Variants in DOCK11 observed in about 807,000 individuals in gnomAD.
The protein encoded by DOCK11 is dedicator of cytokinesis protein 11.
DOCK11 carries 70 observed loss-of-function variants against 169.1 expected under a neutral mutation model. That is an observed-to-expected ratio of 0.41 (90% CI 0.34 to 0.51). DOCK11 has a LOEUF of 0.51. Among genes scored for constraint, DOCK11 ranks in the 20% least tolerant of loss-of-function variants. The pLI is 0.10. For missense variants in DOCK11, 1,166 were observed against 1,538.8 expected (o/e 0.76, Z 4.05); for synonymous variants, 529 against 541.3 (o/e 0.98, Z 0.32).
chrX:118,683,327 A>G, intron 52 of DOCK11, 110 bp downstream of exon 52: 1 of 853,396 alleles, frequency 1.2e-6, no homozygotes, highest in Admixed American at 3.7e-5. Context: ...TTAAGTCTAT[A>G]TTTTAAACTT....
chrX:118,624,703 T>G, intron 32 of DOCK11, 48 bp downstream of exon 32: 3 of 904,440 alleles, frequency 3.3e-6, no homozygotes, highest in Non-Finnish European at 4.8e-6. Context: ...TTTTATTGAA[T>G]GCATTTGGAA....
intron 6 of DOCK11, among the ~76,000 whole-genome samples, chrX:118,547,375 C>CT (rs977573061): frequency 9.0e-6 from 1 of 111,397 alleles, no homozygotes; most frequent in African/African-American, 3.3e-5. Context: ...CCTGTTCTCA[C>CT]TTTCATTTTC....
intron 32 of DOCK11, 21 bp from the exon 33 acceptor site, chrX:118,627,483 A>G (rs375969123): frequency 1.3e-5 from 15 of 1,133,204 alleles, no homozygotes; most frequent in Non-Finnish European, 1.7e-5. Flanking sequence ...TAAATGACAC[A>G]GGTATCATAT....
intron 44 of DOCK11, among the ~76,000 whole-genome samples, chrX:118,657,159 G>C (rs2095200788): frequency 9.0e-6 from 1 of 110,565 alleles, no homozygotes; most frequent in African/African-American, 3.3e-5. Context: ...TGGTTTTTCT[G>C]GATATTAGCA....
intron 44 of DOCK11, 151 bp from the exon 45 acceptor site, chrX:118,662,535 T>A (rs1332712979): frequency 5.0e-6 from 2 of 402,230 alleles, no homozygotes; most frequent in Non-Finnish European, 8.8e-6. Flanking sequence ...GAAACAAATT[T>A]AAAAATTTTT....
intron 28 of DOCK11, among the ~76,000 whole-genome samples, chrX:118,610,622 T>C (rs1387031121): frequency 2.7e-5 from 3 of 110,099 alleles, no homozygotes; most frequent in Non-Finnish European, 5.7e-5. Context: ...ACTGATTTTC[T>C]TCCTTTTGGG....
chrX:118,538,343 A>G (rs1324273225), intron 1 of DOCK11, among the ~76,000 whole-genome samples: 1 of 112,136 alleles, frequency 8.9e-6, no homozygotes, highest in Admixed American at 9.5e-5. Context: ...TTCCTTGTCT[A>G]CTTGACAAAG....
At chrX:118,675,497 G>A (rs890296475) in intron 46 of DOCK11, among the ~76,000 whole-genome samples, 24 of 109,182 alleles carry the variant, frequency 2.2e-4, no homozygotes, top group African/African-American at 6.0e-4. Flanking sequence ...ACCACATACC[G>A]CGTGTTCTCA....
Position 118,618,695 on chromosome X carries a change from A to T in DOCK11, c.3438A>T (p.Ile1146=). ...TCTCTGTTATAAAGAATCTTTTGATAAAACATGCATTTGACACAAGATACC... is the reference window on the plus strand; with the variant it reads ...TCTCTGTTATAAAGAATCTTTTGATTAAACATGCATTTGACACAAGATACC... ...TAISVIKNLL[I]KHAFDTRYQH... The change falls in exon 31 of 53, where the codon ATA becomes ATT. Residue 1146 remains isoleucine (I), a synonymous_variant. Transcript: ENST00000276202. The T allele has an allele frequency of 4.1e-6, 5 of 1,208,837 alleles. No individual in the cohort carries two copies. The highest frequency in any genetic ancestry group is 5.6e-6 in the Non-Finnish European group (5 of 893,610).
chrX:118,615,794 G>C, intron 30 of DOCK11, 83 bp downstream of exon 30: 1 of 728,287 alleles, frequency 1.4e-6, no homozygotes, highest in Non-Finnish European at 2.1e-6. Context: ...TTTTCTAGTT[G>C]AACCAGTCAA....
chrX:118,592,631 A>G (rs1046654936), intron 19 of DOCK11, among the ~76,000 whole-genome samples: 4 of 112,228 alleles, frequency 3.6e-5, no homozygotes, highest in Non-Finnish European at 7.5e-5. Context: ...TACTTGTGAT[A>G]CTTTATTACA....
At chrX:118,562,371 G>A (rs762765123) in intron 7 of DOCK11, among the ~76,000 whole-genome samples, 1 of 110,837 alleles carries the variant, frequency 9.0e-6, no homozygotes, top group South Asian at 3.8e-4. Flanking sequence ...TACTTTCATT[G>A]CCCTTTCTCC....
At chrX:118,632,640 TG>T (rs1048827575) in intron 35 of DOCK11, 3 of 111,144 alleles carry the variant, frequency 2.7e-5, no homozygotes, top group African/African-American at 9.8e-5. Context: ...GGTCCTCTCT[TG>T]GCTTTCTTTT....
Position 118,620,712 on chromosome X carries a change from A to G in DOCK11, c.3471+1984A>G, listed in dbSNP as rs186700798. On this transcript the variant is annotated intron_variant, in intron 31 of 52. Coordinates refer to ENST00000276202, the MANE Select transcript of DOCK11 (RefSeq NM_144658.4). ...GATATCTTAAAAGTCCTCCAGTCCAATCAAGCTTGGTCAAGCCTTTAAAAA... is the reference window on the plus strand; with the variant it reads ...GATATCTTAAAAGTCCTCCAGTCCAGTCAAGCTTGGTCAAGCCTTTAAAAA... 8.0e-5 allele frequency among the ~76,000 whole-genome samples: 9 copies of G among 112,531 alleles called. No homozygotes were observed. The East Asian group carries it at 1.4e-3, about 17-fold the overall frequency.
At chrX:118,674,032 G>C (rs1040145503) in intron 46 of DOCK11, among the ~76,000 whole-genome samples, 1 of 112,087 alleles carries the variant, frequency 8.9e-6, no homozygotes, top group South Asian at 3.7e-4. Flanking sequence ...TGTTCAATTG[G>C]TAAGTCCAAT....
In DOCK11 at chrX:118,584,725, G is replaced by A; in HGVS notation, c.1596-10G>A. 3 of 1,105,767 alleles carry A rather than the reference G, an allele frequency of 2.7e-6. No individual in the cohort carries two copies. The highest frequency in any genetic ancestry group is 3.6e-6 in the Non-Finnish European group (3 of 842,130). 91.1% of individuals were successfully genotyped at this position (1,105,767 alleles called of 1,213,427 possible). A position where few individuals can be genotyped will look rare whatever the true frequency, so the allele number is the denominator to read the frequency against. ...TTTTTTTTAAAAAAATGCTTCTGTT[G>A]CTGTTTTAGACCCATTTTCAAAGAT... On this transcript the variant is annotated splice_polypyrimidine_tract_variant and intron_variant, in intron 14 of 52. Transcript: ENST00000276202.
intron 10 of DOCK11, among the ~76,000 whole-genome samples, chrX:118,571,821 G>T (rs1414016712): frequency 8.9e-6 from 1 of 112,139 alleles, no homozygotes; most frequent in Non-Finnish European, 1.9e-5. Context: ...AGTTAGGAAA[G>T]GTCTCCCTGC....
chrX:118,496,300 C>T (rs1258135000), intron 1 of DOCK11, among the ~76,000 whole-genome samples: 2 of 52 alleles, frequency 0.038, no homozygotes, highest in Non-Finnish European at 0.059. Context: ...GGGATGGAAG[C>T]AGACGGGCAA....
chrX:118,597,293 C>A, intron 20 of DOCK11, 138 bp from the exon 21 acceptor site: 1 of 761,312 alleles, frequency 1.3e-6, no homozygotes, highest in Non-Finnish European at 1.9e-6. Context: ...CCCCAGTACT[C>A]AGTTGCCCAG....
Sources: gnomAD v4.1 joint callset for allele counts (sites outside exome capture counted in the v4.1 genomes callset) on GRCh38, gnomAD v4.1.1 for gene constraint, MANE v1.5 for transcripts, NCBI Gene and HGNC (gene_info 2026-07-23, HGNC 2026-07-21) for gene names.